Variants in SSPN observed in about 807,000 individuals in gnomAD.
The protein encoded by SSPN is K-ras oncogene-associated protein.
In SSPN, 15 loss-of-function variants were observed where a neutral mutation model predicts 19.1. The ratio of observed to expected loss-of-function variants is 0.78; its 90% confidence interval spans 0.52 to 1.21. The LOEUF is 1.21. SSPN is among the 50% of genes most tolerant of loss of function. The probability of loss-of-function intolerance (pLI) is 0.00; values close to 1 mark genes in which losing one functional copy is unlikely to be tolerated. For synonymous variants in SSPN, 147 were observed against 140.3 expected (o/e 1.05, Z -0.34); for missense variants, 291 against 314.0 (o/e 0.93, Z 0.55).
chr12:26,177,604 C>T (rs182868538), intron 1 of SSPN, among the ~76,000 whole-genome samples: 27 of 152,246 alleles, frequency 1.8e-4, no homozygotes, highest in Non-Finnish European at 3.2e-4. Context: ...TGTGGAGGGC[C>T]GTGGAAGCCT....
chr12:26,129,664 G>C (rs935212109), intron 1 of SSPN, among the ~76,000 whole-genome samples: 3 of 152,146 alleles, frequency 2.0e-5, no homozygotes, highest in African/African-American at 7.2e-5. Flanking sequence ...ATTTGTAAAG[G>C]ACCTTAAGTC....
At position 26,230,801 on chromosome 12, in the gene SSPN, T is replaced by A; in HGVS notation, c.457T>A (p.Phe153Ile). 1 of 1,614,188 alleles carries A rather than the reference T, an allele frequency of 6.2e-7. No homozygotes were observed. ...AAHHYSQLTQ[F>I]TCETTLDSCQ... ...CCACCACTATTCGCAGCTCACACAG[T>A]TTACCTGTGAGACCACACTCGACTC... Residue 153 changes from phenylalanine (F) to isoleucine (I), a missense_variant, in exon 3 of 3, where the codon TTT (phenylalanine) becomes ATT (isoleucine). Physicochemically the swap from Phe to Ile is conservative, Grantham distance 21. This residue lies in a region of SSPN where 141 missense variants were observed against 166.7 expected (regional missense o/e 0.85). Coordinates refer to ENST00000242729, the MANE Select transcript of SSPN (RefSeq NM_005086.5).
chr12:26,215,653 G>A (rs557710396), intron 1 of SSPN, among the ~76,000 whole-genome samples: 1 of 152,336 alleles, frequency 6.6e-6, no homozygotes, highest in East Asian at 1.9e-4. Flanking sequence ...CACACCACTG[G>A]AGAGGTGGTG....
intron 1 of SSPN, 108 bp downstream of exon 1, chr12:26,196,059 T>A (rs1309451566): frequency 1.0e-6 from 1 of 960,752 alleles, no homozygotes; most frequent in Non-Finnish European, 1.4e-6. Context: ...CCGGGTTCAC[T>A]CTTCTAACTC....
At chr12:26,161,232 T>C (rs1446529257) in intron 1 of SSPN, among the ~76,000 whole-genome samples, 1 of 152,094 alleles carries the variant, frequency 6.6e-6, no homozygotes, top group Non-Finnish European at 1.5e-5. Flanking sequence ...TACACAGCCC[T>C]TCATGATCAG....
chr12:26,220,903 T>TGA (rs1945113397), intron 1 of SSPN, among the ~76,000 whole-genome samples: 1 of 152,206 alleles, frequency 6.6e-6, no homozygotes, highest in Non-Finnish European at 1.5e-5. Flanking sequence ...TACCTCTACC[T>TGA]GAGCTCAGAC....
intron 2 of SSPN, among the ~76,000 whole-genome samples, chr12:26,227,135 G>A (rs1476454750): frequency 6.6e-6 from 1 of 152,130 alleles, no homozygotes; most frequent in Non-Finnish European, 1.5e-5. Flanking sequence ...GTGTATTCGT[G>A]CCATGTAGGT....
chr12:26,123,898 T>C (rs1944337716), intron 1 of SSPN: 3 of 747,970 alleles, frequency 4.0e-6, no homozygotes, highest in Non-Finnish European at 7.0e-6. Flanking sequence ...TTATAAATGA[T>C]TTCTTGCCTT....
At position 26,231,010 on chromosome 12, in the gene SSPN, G is replaced by A. The variant is rs1945225784; in HGVS notation, c.666G>A (p.Gln222=). The A allele has an allele frequency of 2.5e-6, 4 of 1,614,188 alleles. No individual in the cohort carries two copies. The African/African-American group carries it at 4.0e-5, about 16-fold the overall frequency. ...TTGTGATGTGGAAACATAGGTACCAGGTCTTCTATGTGGGTGTCAGGATAT... is the reference window on the plus strand; with the variant it reads ...TTGTGATGTGGAAACATAGGTACCAAGTCTTCTATGTGGGTGTCAGGATAT... ...ACFVMWKHRY[Q]VFYVGVRICS... The change falls in exon 3 of 3, where the codon CAG becomes CAA. Residue 222 remains glutamine, a synonymous_variant. Transcript: ENST00000242729.
intron 1 of SSPN, among the ~76,000 whole-genome samples, chr12:26,208,024 G>GC (rs906234860): frequency 6.6e-6 from 1 of 151,002 alleles, no homozygotes; most frequent in African/African-American, 2.4e-5. Context: ...GTGGTGGGGG[G>GC]GGGGGATATA....
intron 1 of SSPN, among the ~76,000 whole-genome samples, chr12:26,215,840 T>C (rs901212083): frequency 2.6e-5 from 4 of 152,272 alleles, no homozygotes; most frequent in African/African-American, 9.6e-5. Context: ...GACATGGGGA[T>C]TTCTCCCCCA....
exon 1 of SSPN, chr12:26,122,137 G>T: frequency 6.5e-7 from 1 of 1,548,858 alleles, no homozygotes; most frequent in South Asian, 1.2e-5. Flanking sequence ...GGCTCGCGGG[G>T]CCCGGCGAAG....
At chr12:26,122,525 G>T (rs1356414573) in intron 1 of SSPN, 10 of 1,282,058 alleles carry the variant, frequency 7.8e-6, no homozygotes, top group Non-Finnish European at 1.0e-5. Flanking sequence ...CTCCGCCTCC[G>T]CCGAACGCCA....
intron 1 of SSPN, among the ~76,000 whole-genome samples, chr12:26,201,046 T>TATAAAA (rs59727119): frequency 5.2e-5 from 4 of 77,212 alleles, no homozygotes; most frequent in African/African-American, 1.6e-4. Context: ...TATATATATA[T>TATAAAA]TATATATATA....
At chr12:26,122,002 A>C (rs1314302527) in exon 1 of SSPN, 2 of 1,542,456 alleles carry the variant, frequency 1.3e-6, no homozygotes, top group Non-Finnish European at 1.8e-6. Flanking sequence ...CTCTGCTTGA[A>C]CCTCCTTAAG....
chr12:26,187,746 A>C (rs1038664265), intron 1 of SSPN, among the ~76,000 whole-genome samples: 1 of 152,206 alleles, frequency 6.6e-6, no homozygotes, highest in African/African-American at 2.4e-5. Flanking sequence ...AAAAGTCTCA[A>C]TTACAGAACT....
rs1240168810 is a variant in SSPN, at chr12:26,168,221, A to T, written c.-31+46069A>T. On this transcript the variant is annotated intron_variant, in intron 1 of 2. Coordinates refer to the SSPN transcript ENST00000538142. ...GAGTGAGACCCTGTCTCAGAAAAAA[A>T]AAAAAAAAAAGGAATAACAAGGGCA... Among the ~76,000 whole-genome samples, 3 of 152,042 alleles carry T rather than the reference A, an allele frequency of 2.0e-5. No individual in the cohort carries two copies. In the East Asian group the frequency reaches 5.8e-4, roughly 29 times the overall value.
chr12:26,199,421 G>A (rs1244127962), intron 1 of SSPN, among the ~76,000 whole-genome samples: 4 of 152,208 alleles, frequency 2.6e-5, no homozygotes, highest in South Asian at 2.1e-4. Flanking sequence ...TGGAGACTAC[G>A]TAACCTGTAA....
rs2137522730 is a variant in SSPN at position 26,230,800 on chromosome 12, G to A, written c.456G>A (p.Gln152=). ...FAAHHYSQLT[Q]FTCETTLDSC... Reference sequence around the variant, plus strand: ...CCCACCACTATTCGCAGCTCACACAGTTTACCTGTGAGACCACACTCGACT... The same window carrying A: ...CCCACCACTATTCGCAGCTCACACAATTTACCTGTGAGACCACACTCGACT... Residue 152 remains glutamine, a synonymous_variant, in exon 3 of 3, where the codon CAG becomes CAA. Coordinates refer to ENST00000242729, the MANE Select transcript of SSPN (RefSeq NM_005086.5). 1 of 1,614,220 alleles carries A rather than the reference G, an allele frequency of 6.2e-7. No homozygotes were observed. Among genetic ancestry groups the A allele is most frequent in the Non-Finnish European group, 8.5e-7 (1 of 1,180,050 alleles).
Sources: allele counts gnomAD v4.1 joint callset (sites outside exome capture counted in the v4.1 genomes callset), GRCh38; gene constraint gnomAD v4.1.1; regional missense constraint gnomAD v4.1.1; transcripts MANE v1.5; gene names NCBI Gene and HGNC (gene_info 2026-07-23, HGNC 2026-07-21).